PTPRG: variants seen among roughly 807,000 people sequenced by gnomAD.
PTPRG encodes the protein receptor-type tyrosine-protein phosphatase gamma.
Under a neutral mutation model 165.3 loss-of-function variants are expected in PTPRG, and 102 were observed. The observed-to-expected ratio is 0.62, with a 90% CI of 0.53 to 0.73. The LOEUF (loss-of-function observed/expected upper bound fraction) is 0.73, where lower values mean the gene tolerates loss of function less well. Ranked by LOEUF, PTPRG falls within the 30% of genes least tolerant of loss-of-function variation. The pLI, the probability that PTPRG is intolerant of heterozygous loss-of-function variation, is 0.00. For missense variants in PTPRG, 1,866 were observed against 1,861.4 expected, an observed-to-expected ratio of 1.00 and a Z score of -0.05; for synonymous variants, 675 against 669.5, an observed-to-expected ratio of 1.01 and a Z score of -0.13.
At chr3:62,243,723 A>G (rs1162885843) in intron 14 of PTPRG, 84 bp from the exon 15 acceptor site, 19 of 834,358 alleles carry the variant, frequency 2.3e-5, no homozygotes, top group Non-Finnish European at 3.4e-5. Context: ...AAAGCTGGGA[A>G]GATCTATAAA....
At chr3:61,912,577 G>A (rs1194338974) in intron 2 of PTPRG, among the ~76,000 whole-genome samples, 1 of 152,186 alleles carries the variant, frequency 6.6e-6, no homozygotes, top group African/African-American at 2.4e-5. Context: ...GTGCTCAGAA[G>A]ACCGACAGTC....
intron 1 of PTPRG, among the ~76,000 whole-genome samples, chr3:61,647,736 G>T (rs955618632): frequency 2.2e-5 from 3 of 137,146 alleles, no homozygotes; most frequent in African/African-American, 8.2e-5. Flanking sequence ...AGCTTGCAGT[G>T]AGCTGAGATC....
At chr3:62,143,695 C>G (rs545674470) in intron 6 of PTPRG, among the ~76,000 whole-genome samples, 2 of 151,636 alleles carry the variant, frequency 1.3e-5, no homozygotes, top group Admixed American at 1.3e-4. Flanking sequence ...TTTAAAGAAA[C>G]AGAATTTTGT....
chr3:61,768,482 C>T (rs928496051), intron 2 of PTPRG, among the ~76,000 whole-genome samples: 3 of 152,118 alleles, frequency 2.0e-5, no homozygotes, highest in Non-Finnish European at 2.9e-5. Flanking sequence ...TGTAGGAAGT[C>T]CCCGGCAAGT....
chr3:62,146,186 A>G (rs1006875664), intron 6 of PTPRG, among the ~76,000 whole-genome samples: 7 of 152,180 alleles, frequency 4.6e-5, no homozygotes, highest in African/African-American at 1.7e-4. Flanking sequence ...TGCTATCTTT[A>G]TGTGCTTTCT....
At chr3:62,104,516 A>C (rs1038323756) in intron 5 of PTPRG, among the ~76,000 whole-genome samples, 1 of 152,212 alleles carries the variant, frequency 6.6e-6, no homozygotes, top group Admixed American at 6.5e-5. Context: ...TTATTTGCTC[A>C]TTCAGTTATC....
intron 8 of PTPRG, among the ~76,000 whole-genome samples, chr3:62,185,684 T>C (rs1012697745): frequency 3.3e-5 from 5 of 152,220 alleles, no homozygotes; most frequent in Non-Finnish European, 7.3e-5. Context: ...GCAGGCGTGA[T>C]TTTAAAGCCC....
chr3:61,675,066 C>T (rs961915005), intron 1 of PTPRG, among the ~76,000 whole-genome samples: 1 of 152,234 alleles, frequency 6.6e-6, no homozygotes, highest in African/African-American at 2.4e-5. Flanking sequence ...AGATGTCTGT[C>T]ACTCAGTGCT....
At chr3:61,967,005 C>T (rs1165129839) in intron 2 of PTPRG, among the ~76,000 whole-genome samples, 1 of 152,184 alleles carries the variant, frequency 6.6e-6, no homozygotes, top group African/African-American at 2.4e-5. Context: ...TAATTTCTTT[C>T]TAGTGGATCA....
rs1699767637 is a variant in PTPRG, at chr3:61,562,023, TC to T, written c.-263del. On this transcript the variant is annotated 5_prime_UTR_variant, in exon 1 of 30. It removes the in-frame stop codon of an upstream open reading frame in the 5' UTR. Transcript: ENST00000474889. ...TCCGCGCCCTGCCCGATCGGCTCTC[TC>T]CTTTTTAAACGGAAAGCAGCCTTTC... 1 of 435,868 alleles carries T rather than the reference TC, an allele frequency of 2.3e-6. No homozygotes were observed. The highest frequency in any genetic ancestry group is 4.1e-5 in the East Asian group (1 of 24,158). 27.0% of individuals were successfully genotyped at this position (435,868 alleles called of 1,614,324 possible).
At chr3:61,892,730 C>T (rs1287685604) in intron 2 of PTPRG, among the ~76,000 whole-genome samples, 5 of 151,632 alleles carry the variant, frequency 3.3e-5, no homozygotes, top group South Asian at 2.1e-4. Context: ...GCAGGAGAAT[C>T]GCCTGAACCC....
chr3:61,906,041 G>GT (rs1257502435), intron 2 of PTPRG, among the ~76,000 whole-genome samples: 7 of 152,066 alleles, frequency 4.6e-5, no homozygotes, highest in East Asian at 1.9e-4. Context: ...TATATTTTAG[G>GT]TTTTTTTAGC....
chr3:61,714,538 T>G (rs576705240), intron 1 of PTPRG, among the ~76,000 whole-genome samples: 1 of 152,354 alleles, frequency 6.6e-6, no homozygotes, highest in East Asian at 1.9e-4. Flanking sequence ...GATACTCAGA[T>G]GTACAGAGTA....
chr3:62,218,823 C>G (rs751965988), intron 12 of PTPRG, 28 bp from the exon 13 acceptor site: 1 of 1,606,652 alleles, frequency 6.2e-7, no homozygotes, highest in Non-Finnish European at 8.5e-7. Flanking sequence ...AACCTCTGTC[C>G]TCTAACTGGG....
chr3:61,855,876 G>A (rs1301968328), intron 2 of PTPRG, among the ~76,000 whole-genome samples: 1 of 152,046 alleles, frequency 6.6e-6, no homozygotes, highest in Non-Finnish European at 1.5e-5. Flanking sequence ...TGGAGCAACA[G>A]CCACTAGATG....
chr3:62,166,308 A>G (rs1349776669), intron 7 of PTPRG, among the ~76,000 whole-genome samples: 2 of 135,990 alleles, frequency 1.5e-5, no homozygotes, highest in Non-Finnish European at 3.1e-5. Context: ...CCTCATATGT[A>G]ATAGAATTAC....
At chr3:62,021,915 A>G (rs1575899627) in intron 4 of PTPRG, among the ~76,000 whole-genome samples, 1 of 52,706 alleles carries the variant, frequency 1.9e-5, no homozygotes, top group East Asian at 4.5e-4. Context: ...TTGTTTTCTG[A>G]TTTCCTTTTT....
chr3:62,019,856 TTAGAG>T (rs2041644681), intron 4 of PTPRG, among the ~76,000 whole-genome samples: 1 of 152,230 alleles, frequency 6.6e-6, no homozygotes, highest in South Asian at 2.1e-4. Context: ...CTGTGTATAC[TTAGAG>T]TACTTAACAT....
chr3:61,879,194 G>C (rs551573231), intron 2 of PTPRG, among the ~76,000 whole-genome samples: 47 of 152,142 alleles, frequency 3.1e-4, no homozygotes, highest in African/African-American at 1.1e-3. Context: ...CACTTTACAT[G>C]GTGATCAGAC....
Sources: allele counts gnomAD v4.1 joint callset (sites outside exome capture counted in the v4.1 genomes callset), GRCh38; gene constraint gnomAD v4.1.1; transcripts MANE v1.5; gene names NCBI Gene and HGNC (gene_info 2026-07-23, HGNC 2026-07-21).